GOLGA3: variants seen among roughly 807,000 people sequenced by gnomAD.
GOLGA3 encodes golgin A3.
In GOLGA3, 75 loss-of-function variants were observed where a neutral mutation model predicts 169.4. The ratio of observed to expected loss-of-function variants is 0.44; its 90% CI spans 0.37 to 0.54. The LOEUF is 0.54. GOLGA3 is among the 20% of genes least tolerant of loss of function. The pLI, the probability that GOLGA3 is intolerant of heterozygous loss-of-function variation, is 0.00. For synonymous variants in GOLGA3, 824 were observed against 822.4 expected (o/e 1.00, Z -0.03); for missense variants, 1,899 against 1,930.0 (o/e 0.98, Z 0.30).
In GOLGA3 at chr12:132,808,182, C is replaced by T. The variant is rs373497858; in HGVS notation, c.887G>A (p.Arg296His). The change falls in exon 5 of 24, where the codon CGT (arginine) becomes CAT (histidine). Residue 296 changes from arginine to histidine, a missense_variant. Coordinates refer to ENST00000450791, the MANE Select transcript of GOLGA3 (RefSeq NM_001389683.1). ...TCCAGCCAGGGAGGTGTTCTCCAGA[C>T]GGTCGTCAGTGTCGGGGGACAGGCT... ...EISLSPDTDD[R>H]LENTSLAGDS... is the part of the protein sequence containing the mutation. 1.7e-5 allele frequency: 27 copies of T among 1,613,092 alleles called. No individual in the cohort carries two copies. Among genetic ancestry groups the T allele is most frequent in the Middle Eastern group, 1.6e-4 (1 of 6,080 alleles).
In GOLGA3 at chr12:132,772,907, T is replaced by G; in HGVS notation, c.*198A>C. 1 of 513,708 alleles carries G rather than the reference T, an allele frequency of 1.9e-6. No homozygotes were observed. Among genetic ancestry groups the G allele is most frequent in the Non-Finnish European group, 3.5e-6 (1 of 288,624 alleles). The allele number at this position is 513,708 out of a possible 1,614,324, so 31.8% of individuals were successfully genotyped here. On this transcript the variant is annotated 3_prime_UTR_variant, in exon 24 of 24. Transcript: ENST00000450791. Reference sequence around the variant, plus strand: ...TATCAGGCTTTTAAGAGTTGGTCATTCCATGTGAAAAGCTAATTGTGATCT... The same window carrying G: ...TATCAGGCTTTTAAGAGTTGGTCATGCCATGTGAAAAGCTAATTGTGATCT...
chr12:132,802,041 G>C, intron 7 of GOLGA3, 72 bp from the exon 8 acceptor site: 12 of 1,215,424 alleles, frequency 9.9e-6, no homozygotes, highest in Non-Finnish European at 1.3e-5. Flanking sequence ...CGCGCGTGCG[G>C]GACACAAGGC....
intron 1 of GOLGA3, among the ~76,000 whole-genome samples, chr12:132,826,689 C>T (rs1409396798): frequency 1.3e-5 from 2 of 152,110 alleles, no homozygotes; most frequent in African/African-American, 4.8e-5. Context: ...TCACTAACTG[C>T]CTGGAGTTTG....
At position 132,822,034 on chromosome 12, in the gene GOLGA3, C is replaced by T. The variant is rs1950244027; in HGVS notation, c.95G>A (p.Gly32Asp). 1 of 1,609,648 alleles carries T rather than the reference C, an allele frequency of 6.2e-7. No homozygotes were observed. The highest frequency in any genetic ancestry group is 8.5e-7 in the Non-Finnish European group (1 of 1,178,300). ...SLPEAPLKPP[G>D]PLVPPDQQDK... ...CTGCTGGTCAGGTGGCACCAGTGGGCCCGGGGGCTTCAGTGGGGCCTCGGG... is the reference window on the plus strand; with the variant it reads ...CTGCTGGTCAGGTGGCACCAGTGGGTCCGGGGGCTTCAGTGGGGCCTCGGG... Residue 32 changes from glycine (G) to aspartate (D), a missense_variant, in exon 2 of 24, where the codon GGC (glycine) becomes GAC (aspartate). Transcript: ENST00000450791.
chr12:132,780,446 G>A (rs2045535246), intron 18 of GOLGA3, among the ~76,000 whole-genome samples: 1 of 152,238 alleles, frequency 6.6e-6, no homozygotes, highest in Admixed American at 6.5e-5. Flanking sequence ...ACAGAGAAGG[G>A]TCCACAGAAC....
chr12:132,815,870 G>A (rs1029449640), intron 3 of GOLGA3, among the ~76,000 whole-genome samples: 4 of 152,182 alleles, frequency 2.6e-5, no homozygotes, highest in African/African-American at 9.7e-5. Flanking sequence ...CTGGCCTCCA[G>A]CCTGGGCGAC....
chr12:132,790,432 C>T (rs1593277992), intron 12 of GOLGA3, among the ~76,000 whole-genome samples: 3 of 152,240 alleles, frequency 2.0e-5, no homozygotes, highest in Admixed American at 6.5e-5. Flanking sequence ...AATATAGCTT[C>T]GGGGTCACCC....
In GOLGA3 at chr12:132,773,047, AAAT is replaced by A; in HGVS notation, c.*55_*57del. 8.3e-7 allele frequency: 1 copy of A among 1,210,102 alleles called. No individual in the cohort carries two copies. Among genetic ancestry groups the A allele is most frequent in the Non-Finnish European group, 1.1e-6 (1 of 882,448 alleles). The allele number at this position is 1,210,102 out of a possible 1,614,324, so 75.0% of individuals were successfully genotyped here. A position where few individuals can be genotyped will look rare whatever the true frequency, so the allele number is the denominator to read the frequency against. ...AAAAACATCGACCACACAATCAAAT[AAAT>A]AACATTGATAAGAGCCTTCTGGGGC... On this transcript the variant is annotated 3_prime_UTR_variant, in exon 24 of 24. Coordinates refer to ENST00000450791, the MANE Select transcript of GOLGA3 (RefSeq NM_001389683.1).
At chr12:132,791,928 CAG>C (rs2046257345) in intron 11 of GOLGA3, among the ~76,000 whole-genome samples, 1 of 135,012 alleles carries the variant, frequency 7.4e-6, no homozygotes, top group African/African-American at 2.7e-5. Flanking sequence ...GACACATCTG[CAG>C]AGTTGTTACA....
rs781630666 is a variant in GOLGA3 at position 132,775,175 on chromosome 12, A to T, written c.4109T>A (p.Leu1370His). Residue 1370 changes from leucine to histidine, a missense_variant, in exon 22 of 24, where the codon CTC becomes CAC. By Grantham distance (99) the Leu-to-His change is moderately conservative. Coordinates refer to ENST00000450791, the MANE Select transcript of GOLGA3 (RefSeq NM_001389683.1). Reference protein sequence around the residue: ...MKTLLQQNQQLKLDLRRGAAK... With the variant: ...MKTLLQQNQQHKLDLRRGAAK... ...CGCGCCGCGGCGTAGGTCCAGCTTG[A>T]GCTGCTGGTTCTGCTGGAGCAGGGT... The T allele has an allele frequency of 1.1e-5, 18 of 1,613,916 alleles. No individual in the cohort carries two copies.
Position 132,777,729 on chromosome 12 carries a change from T to C in GOLGA3, c.3659A>G (p.Lys1220Arg). The C allele has an allele frequency of 6.2e-7, 1 of 1,614,112 alleles. No homozygotes were observed. The highest frequency in any genetic ancestry group is 1.1e-5 in the South Asian group (1 of 91,076). ...KAASLELSEV[K>R]KELQAKEHLV... ...GTGTTCCTTGGCCTGCAGCTCCTTC[T>C]TCACCTCACTCAGCTCCAAGGAGGC... Residue 1220 changes from lysine (K) to arginine (R), a missense_variant, in exon 19 of 24, where the codon AAG (lysine) becomes AGG (arginine). Transcript: ENST00000450791. This position sits in a 1 kb window ranked among gnomAD's most constrained non-coding sequence, Gnocchi z 4.7.
intron 13 of GOLGA3, among the ~76,000 whole-genome samples, chr12:132,788,584 C>T (rs2046050002): frequency 6.6e-6 from 1 of 152,208 alleles, no homozygotes; most frequent in African/African-American, 2.4e-5. Context: ...TCAGTCCCAG[C>T]TCCGCACTCA....
intron 2 of GOLGA3, among the ~76,000 whole-genome samples, chr12:132,820,151 G>T (rs532415849): frequency 6.6e-6 from 1 of 151,906 alleles, no homozygotes; most frequent in Non-Finnish European, 1.5e-5. Context: ...ACTACAGCCT[G>T]GACAACAACA....
intron 1 of GOLGA3, chr12:132,828,522 T>C (rs1950519004): frequency 6.6e-6 from 1 of 152,282 alleles, no homozygotes; most frequent in Non-Finnish European, 1.5e-5. Flanking sequence ...AGTGGACAGC[T>C]TCGGGACAGG....
chr12:132,776,105 G>C (rs75152386), intron 21 of GOLGA3, among the ~76,000 whole-genome samples: 18,827 of 143,528 alleles, frequency 0.13, 1,989 homozygotes, highest in Middle Eastern at 0.18. Context: ...ACAGGAACCA[G>C]GGGCTGCCCC....
At chr12:132,802,917 C>T (rs4758937) in intron 7 of GOLGA3, among the ~76,000 whole-genome samples, 104,876 of 151,384 alleles carry the variant, frequency 0.69, 36,597 homozygotes, top group East Asian at 0.8. Flanking sequence ...TAGCCGGGCG[C>T]GGTGGCAGAC....
chr12:132,820,504 TC>T (rs1950161978), intron 2 of GOLGA3, among the ~76,000 whole-genome samples: 1 of 152,200 alleles, frequency 6.6e-6, no homozygotes, highest in African/African-American at 2.4e-5. Context: ...GTTATCTGCC[TC>T]ACCTGATGCT....
At position 132,812,307 on chromosome 12, in the gene GOLGA3, G is replaced by A. The variant is rs1262746307; in HGVS notation, c.519+1000C>T. Among the ~76,000 whole-genome samples the A allele has an allele frequency of 5.3e-5, 8 of 151,852 alleles. No homozygotes were observed. In the South Asian group the frequency reaches 6.2e-4, roughly 12 times the overall value. ...GGAGATGTACAAGGAGGTGAATGTC[G>A]CTTTCCTGCCTGCAGACACAACATC... On this transcript the variant is annotated intron_variant, in intron 4 of 23. Coordinates refer to ENST00000450791, the MANE Select transcript of GOLGA3 (RefSeq NM_001389683.1).
intron 3 of GOLGA3, among the ~76,000 whole-genome samples, chr12:132,815,876 G>T (rs1416853769): frequency 1.3e-5 from 2 of 152,190 alleles, no homozygotes; most frequent in African/African-American, 4.8e-5. Context: ...TCCAGCCTGG[G>T]CGACAGAGCA....
Sources: allele counts gnomAD v4.1 joint callset (sites outside exome capture counted in the v4.1 genomes callset), GRCh38; gene constraint gnomAD v4.1.1; non-coding constraint Gnocchi (gnomAD v3.1); transcripts MANE v1.5; gene names NCBI Gene and HGNC (gene_info 2026-07-23, HGNC 2026-07-21).